The following PTPN14 variants were observed in gnomAD, a reference collection of about 807,000 sequenced individuals.
PTPN14 encodes the protein protein tyrosine phosphatase non-receptor type 14.
A neutral mutation model predicts 126.8 loss-of-function variants in PTPN14; 53 were observed. That is an observed-to-expected ratio of 0.42 (90% confidence interval 0.34 to 0.53). The LOEUF (loss-of-function observed/expected upper bound fraction) is 0.53, where lower values mean the gene tolerates loss of function less well. Among genes scored for constraint, PTPN14 ranks in the 20% least tolerant of loss-of-function variants. The pLI is 0.08. For missense variants in PTPN14, 1,257 were observed against 1,552.9 expected, an observed-to-expected ratio of 0.81 and a Z score of 3.20; for synonymous variants, 630 against 599.3, an observed-to-expected ratio of 1.05 and a Z score of -0.75.
intron 3 of PTPN14, among the ~76,000 whole-genome samples, chr1:214,433,954 A>C (rs111441295): frequency 0.26 from 3,704 of 14,252 alleles, 93 homozygotes; most frequent in African/African-American, 0.34. Context: ...ACACACACAA[A>C]AAAAAAAAAA....
intron 1 of PTPN14, among the ~76,000 whole-genome samples, chr1:214,493,919 A>G (rs529148222): frequency 3.9e-5 from 6 of 152,328 alleles, no homozygotes; most frequent in Admixed American, 6.5e-5. Context: ...AAAAATACAA[A>G]TAAGTTTTTT....
intron 2 of PTPN14, 131 bp from the exon 3 acceptor site, chr1:214,452,105 CAT>C (rs1471418544): frequency 3.0e-6 from 3 of 992,682 alleles, no homozygotes; most frequent in Non-Finnish European, 1.5e-6. Flanking sequence ...CCAGCTTTGA[CAT>C]ATAACTTTGG....
intron 1 of PTPN14, among the ~76,000 whole-genome samples, chr1:214,487,905 C>G (rs1661151141): frequency 6.6e-6 from 1 of 152,140 alleles, no homozygotes; most frequent in Admixed American, 6.5e-5. Context: ...GAAGGAGGAC[C>G]AAGCATTACA....
chr1:214,500,489 C>G (rs558978828), intron 1 of PTPN14, among the ~76,000 whole-genome samples: 1 of 152,126 alleles, frequency 6.6e-6, no homozygotes, highest in Non-Finnish European at 1.5e-5. Flanking sequence ...CCACCAACAC[C>G]CTCCTCCTTC....
chr1:214,508,478 A>G (rs1337422821), intron 1 of PTPN14, among the ~76,000 whole-genome samples: 1 of 152,188 alleles, frequency 6.6e-6, no homozygotes, highest in Non-Finnish European at 1.5e-5. Flanking sequence ...TCCCATATTC[A>G]GGCTCCACTT....
At chr1:214,366,759 C>A (rs949825756) in intron 17 of PTPN14, among the ~76,000 whole-genome samples, 2 of 152,078 alleles carry the variant, frequency 1.3e-5, no homozygotes, top group Non-Finnish European at 2.9e-5. Flanking sequence ...GTAATCCCAG[C>A]ACTTTGGGAG....
chr1:214,433,249 T>C (rs1659834030), intron 3 of PTPN14, among the ~76,000 whole-genome samples: 6 of 151,838 alleles, frequency 4.0e-5, no homozygotes. Flanking sequence ...CCAAAAAGCC[T>C]ATCTTAAAAA....
chr1:214,513,333 C>T (rs540753434), intron 1 of PTPN14, among the ~76,000 whole-genome samples: 24 of 152,098 alleles, frequency 1.6e-4, no homozygotes, highest in Non-Finnish European at 2.2e-4. Context: ...TTTAAGACCC[C>T]GCTTACAATC....
At chr1:214,534,642 G>A (rs146526544) in intron 1 of PTPN14, among the ~76,000 whole-genome samples, 2,200 of 152,046 alleles carry the variant, frequency 0.014, 15 homozygotes, top group South Asian at 0.026. Context: ...GAATGTGGGA[G>A]GCGGAGCTTG....
intron 1 of PTPN14, among the ~76,000 whole-genome samples, chr1:214,538,510 A>T (rs1431973246): frequency 1.3e-5 from 2 of 152,242 alleles, no homozygotes; most frequent in Non-Finnish European, 2.9e-5. Context: ...GGGAAAACCG[A>T]TGAAGAGAAT....
intron 7 of PTPN14, among the ~76,000 whole-genome samples, chr1:214,401,111 C>A (rs953706218): frequency 6.6e-6 from 1 of 152,076 alleles, no homozygotes; most frequent in Non-Finnish European, 1.5e-5. Flanking sequence ...CATGACCCCC[C>A]CAACCACACC....
chr1:214,496,394 G>T (rs1223797919), intron 1 of PTPN14, among the ~76,000 whole-genome samples: 3 of 152,110 alleles, frequency 2.0e-5, no homozygotes, highest in African/African-American at 7.2e-5. Flanking sequence ...GTCCTCAGGG[G>T]CAAGGAATTC....
chr1:214,402,650 G>GAAGA (rs1659052697), intron 6 of PTPN14, among the ~76,000 whole-genome samples: 1 of 94,582 alleles, frequency 1.1e-5, no homozygotes. Flanking sequence ...AGGAAGGAAG[G>GAAGA]AAGGAAGGAA....
intron 1 of PTPN14, among the ~76,000 whole-genome samples, chr1:214,474,579 C>T (rs1660828428): frequency 6.6e-6 from 1 of 152,094 alleles, no homozygotes; most frequent in Non-Finnish European, 1.5e-5. Flanking sequence ...TAAATAGTAC[C>T]CAGCATAATC....
At position 214,354,717 on chromosome 1, in the gene PTPN14, G is replaced by A. The variant is rs996657660; in HGVS notation, c.*3205C>T. ...CCAAACAGTTCAACTGGAAAACCTC[G>A]AAAACAGCGGCTGGAAAATGTTTGA... On this transcript the variant is annotated 3_prime_UTR_variant, in exon 19 of 19. Coordinates refer to ENST00000366956, the MANE Select transcript of PTPN14 (RefSeq NM_005401.5). The A allele has an allele frequency of 5.3e-5, 8 of 152,158 alleles. No homozygotes were observed. The highest frequency in any genetic ancestry group is 3.2e-3 in the Middle Eastern group (1 of 316). 9.4% of individuals were successfully genotyped at this position (152,158 alleles called of 1,614,324 possible). A position where few individuals can be genotyped will look rare whatever the true frequency, so the allele number is the denominator to read the frequency against.
chr1:214,439,667 T>G (rs115477527), intron 3 of PTPN14, among the ~76,000 whole-genome samples: 1 of 152,208 alleles, frequency 6.6e-6, no homozygotes, highest in African/African-American at 2.4e-5. Context: ...ACGCCTCCTC[T>G]GCTTTTACAA....
intron 14 of PTPN14, 114 bp from the exon 15 acceptor site, chr1:214,376,551 C>T: frequency 1.2e-6 from 1 of 867,790 alleles, no homozygotes; most frequent in South Asian, 1.7e-5. Context: ...TCAAGTTCTA[C>T]AATCAATGCT....
rs115507073 is a variant in PTPN14, at chr1:214,489,127, C to A, written c.-154-24170G>T. Among the ~76,000 whole-genome samples, 400 of 152,256 alleles carry A rather than the reference C, an allele frequency of 2.6e-3. 1 individual carries two copies. The highest frequency in any genetic ancestry group is 9.1e-3 in the African/African-American group (377 of 41,544). ...TGACAATAATGATGGTGATTAGTAA[C>A]CGCAGCTTCAAAGGACTGAGCATTT... On this transcript the variant is annotated intron_variant, in intron 1 of 18. Transcript: ENST00000366956.
chr1:214,378,094 C>T lies in PTPN14; in HGVS notation c.2553G>A (p.Glu851=). Reference sequence around the variant, plus strand: ...CCTCCAGGCCTGCCATCTTCTGCTTCTCTAGATTCTTGCGGCAAGAAAAGG... The same window carrying T: ...CCTCCAGGCCTGCCATCTTCTGCTTTTCTAGATTCTTGCGGCAAGAAAAGG... ...IEREMMIRNL[E]KQKMAGLEAQ... Residue 851 remains glutamate (E), a synonymous_variant, in exon 14 of 19, where the codon GAG becomes GAA. Transcript: ENST00000366956. 1 of 1,607,868 alleles carries T rather than the reference C, an allele frequency of 6.2e-7. No individual in the cohort carries two copies. The highest frequency in any genetic ancestry group is 8.5e-7 in the Non-Finnish European group (1 of 1,178,836).
Sources: allele counts gnomAD v4.1 joint callset (sites outside exome capture counted in the v4.1 genomes callset), GRCh38; gene constraint gnomAD v4.1.1; transcripts MANE v1.5; gene names NCBI Gene and HGNC (gene_info 2026-07-23, HGNC 2026-07-21).